The following SLC16A3 variants were observed in gnomAD, a reference collection of about 807,000 sequenced individuals.
The protein encoded by SLC16A3 is monocarboxylate transporter 4.
In SLC16A3, 22 loss-of-function variants were observed where a neutral mutation model predicts 25.0. The ratio of observed to expected loss-of-function variants is 0.88; its 90% CI spans 0.63 to 1.26. SLC16A3 has a LOEUF of 1.26. Ranked by LOEUF, SLC16A3 falls within the 50% of genes most tolerant of loss-of-function variation. The pLI is 0.00. For synonymous variants in SLC16A3, 390 were observed against 309.2 expected, an observed-to-expected ratio of 1.26 and a Z score of -2.74; for missense variants, 731 against 666.6, an observed-to-expected ratio of 1.10 and a Z score of -1.06.
chr17:82,235,522 A>T (rs2050581887), intron 1 of SLC16A3: 2 of 170,142 alleles, frequency 1.2e-5, no homozygotes, highest in African/African-American at 2.4e-5. Context: ...AGACCGGGAG[A>T]GACCTGGAGG....
chr17:82,237,559 C>T lies in SLC16A3; in HGVS notation c.789C>T (p.Ala263=), dbSNP rs987800373. 2.1e-5 allele frequency: 34 copies of T among 1,611,114 alleles called. No individual in the cohort carries two copies. The highest frequency in any genetic ancestry group is 3.3e-5 in the South Asian group (3 of 91,022). The change falls in exon 4 of 5, where the codon GCC becomes GCT. Residue 263 remains alanine (A), a synonymous_variant. Transcript: ENST00000582743. Reference sequence around the variant, plus strand: ...ACCTGGGCGTGCCCGACACCAAGGCCGCCTTCCTGCTCACCATCCTGGGCT... The same window carrying T: ...ACCTGGGCGTGCCCGACACCAAGGCTGCCTTCCTGCTCACCATCCTGGGCT... The part of the protein sequence containing the change: ...AKDLGVPDTK[A]AFLLTILGFI...
At position 82,239,138 on chromosome 17, in the gene SLC16A3, G is replaced by A. The variant is rs917119543; in HGVS notation, c.*162G>A. The A allele has an allele frequency of 9.0e-6, 6 of 670,062 alleles. No individual in the cohort carries two copies. The highest frequency in any genetic ancestry group is 6.7e-5 in the Admixed American group (2 of 29,764). The allele number at this position is 670,062 out of a possible 1,614,324, so 41.5% of individuals were successfully genotyped here. ...TCAGTGTTTTGAGGGGGAAGGTGGC[G>A]GGGTGGGAACCGTGTCATTCCAGAG... On this transcript the variant is annotated 3_prime_UTR_variant, in exon 5 of 5. Transcript: ENST00000582743.
At chr17:82,237,970 G>A (rs959044244) in intron 4 of SLC16A3, 77 bp downstream of exon 4, 14 of 1,474,888 alleles carry the variant, frequency 9.5e-6, no homozygotes, top group African/African-American at 5.5e-5. Context: ...GGGGGGACGC[G>A]CACCCCTCGG....
intron 1 of SLC16A3, among the ~76,000 whole-genome samples, chr17:82,222,961 A>C (rs1370016868): frequency 2.0e-5 from 3 of 152,212 alleles, no homozygotes; most frequent in East Asian, 3.9e-4. Flanking sequence ...CAGTCCACAG[A>C]CACAGACAGC....
At chr17:82,235,898 G>A in intron 1 of SLC16A3, 85 bp from the exon 2 acceptor site, 1 of 900,690 alleles carries the variant, frequency 1.1e-6, no homozygotes, top group Non-Finnish European at 1.7e-6. Flanking sequence ...GAGCTGCCGG[G>A]CCACCCAGCT....
At chr17:82,222,159 AGC>A (rs2050392902) in intron 1 of SLC16A3, among the ~76,000 whole-genome samples, 1 of 135,622 alleles carries the variant, frequency 7.4e-6, no homozygotes, top group African/African-American at 3.0e-5. Flanking sequence ...CGTGGAGAGG[AGC>A]GTCGCCCTGG....
upstream of SLC16A3, among the ~76,000 whole-genome samples, chr17:82,226,320 A>C (rs1267941403): frequency 6.6e-6 from 1 of 152,104 alleles, no homozygotes; most frequent in East Asian, 1.9e-4. Flanking sequence ...CCTGCAGAAA[A>C]GGGCGGCCTG....
chr17:82,230,604 G>C (rs1052291786), intron 1 of SLC16A3: 1 of 152,462 alleles, frequency 6.6e-6, no homozygotes, highest in African/African-American at 2.4e-5. Flanking sequence ...TGCCAGGCTC[G>C]GCTGGCTCAG....
intron 1 of SLC16A3, chr17:82,235,747 A>G (rs2050585569): frequency 1.8e-6 from 1 of 561,622 alleles, no homozygotes; most frequent in African/African-American, 1.9e-5. Context: ...ACTGCCCTTT[A>G]GAGCCAGCTG....
At chr17:82,221,154 A>G (rs952328405) in intron 1 of SLC16A3, among the ~76,000 whole-genome samples, 17 of 152,318 alleles carry the variant, frequency 1.1e-4, no homozygotes, top group African/African-American at 4.1e-4. Context: ...CACAAGCAAC[A>G]TAAGAAACAA....
chr17:82,236,151 A>G lies in SLC16A3; in HGVS notation c.143A>G (p.Glu48Gly). The stretch of plus-strand genomic sequence containing the variant: ...AAGGCCGTCAGTGTCTTCTTCAAGG[A>G]GCTCATACAGGAGTTTGGGATCGGC... The part of the protein sequence containing the change: ...FPKAVSVFFK[E>G]LIQEFGIGYS... Residue 48 changes from glutamate to glycine, a missense_variant, in exon 2 of 5, where the codon GAG becomes GGG. Coordinates refer to ENST00000582743, the MANE Select transcript of SLC16A3 (RefSeq NM_004207.4). The G allele has an allele frequency of 6.2e-7, 1 of 1,613,238 alleles. No individual in the cohort carries two copies. Among genetic ancestry groups the G allele is most frequent in the Non-Finnish European group, 8.5e-7 (1 of 1,179,970 alleles).
At chr17:82,237,038 A>T (rs1480835915) in intron 3 of SLC16A3, 100 bp from the exon 4 acceptor site, 2 of 1,451,326 alleles carry the variant, frequency 1.4e-6, no homozygotes. Context: ...GGGGCTCTGC[A>T]CCCTGGGAGC....
chr17:82,239,034 T>C lies in SLC16A3; in HGVS notation c.*58T>C, dbSNP rs1009652190. ...AGGTACAGAAGCCGGCAACGCTTGC[T>C]ATTTATTTTACAAACTGGACTGGCT... On this transcript the variant is annotated 3_prime_UTR_variant, in exon 5 of 5. Coordinates refer to ENST00000582743, the MANE Select transcript of SLC16A3 (RefSeq NM_004207.4). 7 of 1,466,162 alleles carry C rather than the reference T, an allele frequency of 4.8e-6. No homozygotes were observed. Among genetic ancestry groups the C allele is most frequent in the Admixed American group, 2.4e-5 (1 of 42,390 alleles). 90.8% of individuals were successfully genotyped at this position (1,466,162 alleles called of 1,614,324 possible).
Position 82,239,007 on chromosome 17 carries a change from G to A in SLC16A3, c.*31G>A, listed in dbSNP as rs369013453. The A allele has an allele frequency of 1.5e-4, 225 of 1,497,066 alleles. No homozygotes were observed. Among genetic ancestry groups the A allele is most frequent in the Non-Finnish European group, 1.9e-4 (215 of 1,121,444 alleles). The allele number at this position is 1,497,066 out of a possible 1,614,324, so 92.7% of individuals were successfully genotyped here. A position where few individuals can be genotyped will look rare whatever the true frequency, so the allele number is the denominator to read the frequency against. ...TGGGCGGGGCCGGCAGGCACAGGGA[G>A]GAGGTACAGAAGCCGGCAACGCTTG... is the stretch of plus-strand genomic sequence containing the variant. On this transcript the variant is annotated 3_prime_UTR_variant, in exon 5 of 5. Transcript: ENST00000582743.
chr17:82,237,727 C>G lies in SLC16A3; in HGVS notation c.957C>G (p.Gly319=). 6.2e-7 allele frequency: 1 copy of G among 1,612,074 alleles called. No individual in the cohort carries two copies. Among genetic ancestry groups the G allele is most frequent in the Non-Finnish European group, 8.5e-7 (1 of 1,179,930 alleles). Residue 319 remains glycine, a synonymous_variant, in exon 4 of 5, where the codon GGC becomes GGG. Coordinates refer to ENST00000582743, the MANE Select transcript of SLC16A3 (RefSeq NM_004207.4). ...DLAGSTAGDY[G]GLVVFCIFFG... is the part of the protein sequence containing the mutation. ...CGGGTTCTACGGCGGGCGACTACGG[C>G]GGCCTCGTGGTCTTCTGCATCTTCT...
chr17:82,232,632 G>A (rs1389632735), intron 1 of SLC16A3, among the ~76,000 whole-genome samples: 1 of 152,238 alleles, frequency 6.6e-6, no homozygotes, highest in African/African-American at 2.4e-5. Context: ...TCGAATCCTG[G>A]TCTAAAGCCA....
chr17:82,233,405 C>T (rs1364710919), intron 1 of SLC16A3, among the ~76,000 whole-genome samples: 2 of 152,166 alleles, frequency 1.3e-5, no homozygotes, highest in Non-Finnish European at 2.9e-5. Flanking sequence ...CTCTCCTGGT[C>T]AGTGAGTCCT....
chr17:82,231,963 G>A (rs1255865715), intron 1 of SLC16A3: 1 of 152,342 alleles, frequency 6.6e-6, no homozygotes, highest in Non-Finnish European at 1.5e-5. Context: ...AGGCGCCTGG[G>A]GCGGGGCTGC....
chr17:82,238,273 G>A (rs1222381979), intron 4 of SLC16A3, among the ~76,000 whole-genome samples: 1 of 152,222 alleles, frequency 6.6e-6, no homozygotes, highest in African/African-American at 2.4e-5. Flanking sequence ...AGTTCTGACT[G>A]GAGCAGCCTT....
Sources: gnomAD v4.1 joint callset for allele counts (sites outside exome capture counted in the v4.1 genomes callset) on GRCh38, gnomAD v4.1.1 for gene constraint, MANE v1.5 for transcripts, NCBI Gene and HGNC (gene_info 2026-07-23, HGNC 2026-07-21) for gene names.